The following NDST3 variants were observed in gnomAD, a reference collection of about 807,000 sequenced individuals.
NDST3 encodes N-deacetylase and N-sulfotransferase 3.
Under a neutral mutation model 96.1 loss-of-function variants are expected in NDST3, and 58 were observed. The observed-to-expected ratio is 0.60, with a 90% confidence interval of 0.49 to 0.75. NDST3 has a LOEUF of 0.75. Among genes scored for constraint, NDST3 ranks in the 30% least tolerant of loss-of-function variants. The pLI, the probability that NDST3 is intolerant of heterozygous loss-of-function variation, is 0.00. For synonymous variants in NDST3, 333 were observed against 359.7 expected (o/e 0.93, Z 0.84); for missense variants, 788 against 1,034.2 (o/e 0.76, Z 3.27).
chr4:118,142,964 T>C (rs1188796815), intron 5 of NDST3, among the ~76,000 whole-genome samples: 1 of 152,198 alleles, frequency 6.6e-6, no homozygotes, highest in African/African-American at 2.4e-5. Flanking sequence ...TTTCTTACAG[T>C]AGGAACTGGC....
At chr4:118,049,538 A>C (rs929876633) in intron 1 of NDST3, among the ~76,000 whole-genome samples, 1 of 151,900 alleles carries the variant, frequency 6.6e-6, no homozygotes, top group African/African-American at 2.4e-5. Context: ...AATGACAAAG[A>C]TAACATTACA....
chr4:118,150,843 T>C (rs1734340900), intron 6 of NDST3, among the ~76,000 whole-genome samples: 1 of 152,008 alleles, frequency 6.6e-6, no homozygotes, highest in Non-Finnish European at 1.5e-5. Context: ...TCCTCAAGGA[T>C]CTAGAAGTAG....
intron 1 of NDST3, among the ~76,000 whole-genome samples, chr4:118,035,880 A>G (rs1387712046): frequency 6.6e-6 from 1 of 152,030 alleles, no homozygotes; most frequent in Non-Finnish European, 1.5e-5. Context: ...CATTACTAAA[A>G]TGTTTTAGAT....
chr4:118,177,353 G>T (rs1736341870), intron 6 of NDST3, among the ~76,000 whole-genome samples: 1 of 151,984 alleles, frequency 6.6e-6, no homozygotes, highest in Admixed American at 6.6e-5. Flanking sequence ...TGTACAGCAT[G>T]AATTATTTCT....
intron 2 of NDST3, among the ~76,000 whole-genome samples, chr4:118,067,225 T>G (rs1726661631): frequency 6.6e-6 from 1 of 151,840 alleles, no homozygotes; most frequent in African/African-American, 2.4e-5. Context: ...TGACAATATT[T>G]TCAGGAAAAA....
intron 6 of NDST3, among the ~76,000 whole-genome samples, chr4:118,219,183 A>T (rs1739382534): frequency 6.6e-6 from 1 of 152,202 alleles, no homozygotes; most frequent in African/African-American, 2.4e-5. Context: ...AATTAGAAAA[A>T]GAAATGAATT....
At chr4:118,149,074 G>A (rs1734177485) in intron 6 of NDST3, among the ~76,000 whole-genome samples, 1 of 152,040 alleles carries the variant, frequency 6.6e-6, no homozygotes, top group African/African-American at 2.4e-5. Flanking sequence ...TAGATATGCA[G>A]CATTATTTCT....
Position 118,084,208 on chromosome 4 carries a change from A to G in NDST3, c.982-20810A>G, listed in dbSNP as rs527723951. ...GATTCCTGCTAAATGAGTAGGTTTT[A>G]GCTACTCTTGCTATAAAAACAAAAA... On this transcript the variant is annotated intron_variant, in intron 2 of 13. Transcript: ENST00000296499. 1.6e-4 allele frequency among the ~76,000 whole-genome samples: 24 copies of G among 152,162 alleles called. No individual in the cohort carries two copies. In the South Asian group the frequency reaches 4.8e-3, roughly 30 times the overall value.
chr4:118,068,719 T>C (rs1726803168), intron 2 of NDST3, among the ~76,000 whole-genome samples: 1 of 152,122 alleles, frequency 6.6e-6, no homozygotes, highest in Admixed American at 6.6e-5. Flanking sequence ...TTTGATATTA[T>C]TGTAAAATAT....
At chr4:118,115,386 C>T (rs555996345) in intron 4 of NDST3, among the ~76,000 whole-genome samples, 1 of 152,202 alleles carries the variant, frequency 6.6e-6, no homozygotes, top group South Asian at 2.1e-4. Flanking sequence ...GGGAGTAGCC[C>T]AAGATGGATT....
chr4:118,246,615 G>A (rs919333892), intron 12 of NDST3, among the ~76,000 whole-genome samples: 1 of 152,030 alleles, frequency 6.6e-6, no homozygotes, highest in Non-Finnish European at 1.5e-5. Context: ...AAAAAAAAGA[G>A]AGAAAGAAAG....
At chr4:118,051,111 G>A (rs1725049740) in intron 1 of NDST3, among the ~76,000 whole-genome samples, 1 of 152,114 alleles carries the variant, frequency 6.6e-6, no homozygotes, top group South Asian at 2.1e-4. Flanking sequence ...ACAAAAGCAA[G>A]CAATAGGTAA....
At chr4:118,153,063 G>A (rs888858169) in intron 6 of NDST3, among the ~76,000 whole-genome samples, 1 of 152,196 alleles carries the variant, frequency 6.6e-6, no homozygotes, top group Non-Finnish European at 1.5e-5. Context: ...GCAAAGGCAG[G>A]TGCGATGGCA....
At chr4:118,107,977 T>C (rs1730338376) in intron 3 of NDST3, among the ~76,000 whole-genome samples, 2 of 152,154 alleles carry the variant, frequency 1.3e-5, no homozygotes, top group African/African-American at 4.8e-5. Flanking sequence ...TCCACATGGC[T>C]GGGGAGGCCT....
intron 6 of NDST3, among the ~76,000 whole-genome samples, chr4:118,201,851 T>A (rs950021429): frequency 6.6e-6 from 1 of 152,030 alleles, no homozygotes; most frequent in Admixed American, 6.6e-5. Context: ...TAGCTAAAAA[T>A]TTTTTACCAA....
intron 6 of NDST3, among the ~76,000 whole-genome samples, chr4:118,154,633 A>G (rs941124651): frequency 1.4e-4 from 21 of 152,206 alleles, no homozygotes; most frequent in Non-Finnish European, 1.3e-4. Context: ...ACAAAGGACT[A>G]TTAAACTGGA....
At chr4:118,106,710 G>A (rs1012577146) in intron 3 of NDST3, among the ~76,000 whole-genome samples, 1 of 152,038 alleles carries the variant, frequency 6.6e-6, no homozygotes, top group Admixed American at 6.5e-5. Flanking sequence ...AGGATAACTT[G>A]AGCTCAGGAG....
intron 10 of NDST3, among the ~76,000 whole-genome samples, chr4:118,238,448 G>A (rs557637368): frequency 5.8e-4 from 88 of 152,024 alleles, no homozygotes; most frequent in African/African-American, 2.0e-3. Flanking sequence ...AACTTGTTTC[G>A]GTGATAATTT....
intron 3 of NDST3, among the ~76,000 whole-genome samples, chr4:118,108,320 G>A (rs1730370270): frequency 6.6e-6 from 1 of 152,176 alleles, no homozygotes; most frequent in African/African-American, 2.4e-5. Flanking sequence ...AATTTTTTCT[G>A]AGCCTTTGCA....
Sources: gnomAD v4.1 joint callset for allele counts (sites outside exome capture counted in the v4.1 genomes callset) on GRCh38, gnomAD v4.1.1 for gene constraint, MANE v1.5 for transcripts, NCBI Gene and HGNC (gene_info 2026-07-23, HGNC 2026-07-21) for gene names.